The following CLMN variants were observed in gnomAD, a reference collection of about 807,000 sequenced individuals.
The protein encoded by CLMN is calmin (calponin-like, transmembrane).
In CLMN, 57 loss-of-function variants were observed where a neutral mutation model predicts 92.7. The observed-to-expected ratio is 0.61, with a 90% CI of 0.50 to 0.77. The LOEUF is 0.77. Ranked by LOEUF, CLMN falls within the 30% of genes least tolerant of loss-of-function variation. The pLI is 0.00. For synonymous variants in CLMN, 466 were observed against 470.6 expected, an observed-to-expected ratio of 0.99 and a Z score of 0.13; for missense variants, 1,158 against 1,237.5, an observed-to-expected ratio of 0.94 and a Z score of 0.96.
chr14:95,201,577 T>A (rs953250301), intron 9 of CLMN, among the ~76,000 whole-genome samples: 8 of 151,722 alleles, frequency 5.3e-5, no homozygotes, highest in Non-Finnish European at 1.0e-4. Context: ...TTTTTTTTTT[T>A]TTTTATTTTA....
In CLMN at chr14:95,191,816, C is replaced by T. The variant is rs2282266; in HGVS notation, c.2841-84G>A. On this transcript the variant is annotated intron_variant, in intron 12 of 12. Coordinates refer to ENST00000298912, the MANE Select transcript of CLMN (RefSeq NM_024734.4). The surrounding 1 kb of genome is among the most constrained non-coding windows in gnomAD (Gnocchi z 5.3). ...CCACCCAGTGCTACCCGTCTCTCCC[C>T]GGCCCCCACTCCCCGCCTGAAGACC... The T allele has an allele frequency of 0.062, 84,004 of 1,362,502 alleles. 4,598 individuals carry two copies. Among genetic ancestry groups the T allele is most frequent in the East Asian group, 0.29 (12,337 of 42,438 alleles). 84.4% of individuals were successfully genotyped at this position (1,362,502 alleles called of 1,614,324 possible). A position where few individuals can be genotyped will look rare whatever the true frequency, so the allele number is the denominator to read the frequency against.
In CLMN at chr14:95,259,353, C is replaced by A. The variant is rs1308265355; in HGVS notation, c.83-29220G>T. ...AGGCTGGACCCTGGCCGTCCACTGG[C>A]TCCCCACTCACCAGGCCTGACCTTG... On this transcript the variant is annotated intron_variant, in intron 1 of 12. Transcript: ENST00000298912. The surrounding 1 kb of genome is among the most constrained non-coding windows in gnomAD (Gnocchi z 4.3). 1.3e-5 allele frequency among the ~76,000 whole-genome samples: 2 copies of A among 152,074 alleles called. No individual in the cohort carries two copies. Among genetic ancestry groups the A allele is most frequent in the African/African-American group, 2.4e-5 (1 of 41,376 alleles).
At position 95,194,699 on chromosome 14, in the gene CLMN, A is replaced by G; in HGVS notation, c.2709-103T>C. On this transcript the variant is annotated intron_variant, in intron 10 of 12. Coordinates refer to ENST00000298912, the MANE Select transcript of CLMN (RefSeq NM_024734.4). The surrounding 1 kb of genome is among the most constrained non-coding windows in gnomAD (Gnocchi z 4.0). ...GGGGTTTCCACGTATGGGTTTAGGCAAGCGACAACTTCACAGCCAGGGACA... is the reference window on the plus strand; with the variant it reads ...GGGGTTTCCACGTATGGGTTTAGGCGAGCGACAACTTCACAGCCAGGGACA... The G allele has an allele frequency of 1.0e-6, 1 of 998,748 alleles. No individual in the cohort carries two copies. The highest frequency in any genetic ancestry group is 1.6e-6 in the Non-Finnish European group (1 of 631,298). The allele number at this position is 998,748 out of a possible 1,614,324, so 61.9% of individuals were successfully genotyped here.
intron 1 of CLMN, among the ~76,000 whole-genome samples, chr14:95,262,908 T>C (rs1899315559): frequency 6.6e-6 from 1 of 152,122 alleles, no homozygotes; most frequent in Non-Finnish European, 1.5e-5. Flanking sequence ...GAGAGTCAAG[T>C]CATGTGTCCA....
At chr14:95,279,924 T>G (rs889590786) in intron 1 of CLMN, among the ~76,000 whole-genome samples, 4 of 152,020 alleles carry the variant, frequency 2.6e-5, no homozygotes, top group African/African-American at 9.7e-5. Context: ...ATAAGAAATG[T>G]AGAATGTATT....
At chr14:95,200,384 G>A (rs1440839859) in intron 9 of CLMN, among the ~76,000 whole-genome samples, 1 of 152,172 alleles carries the variant, frequency 6.6e-6, no homozygotes, top group Non-Finnish European at 1.5e-5. Context: ...TCCTGGCAGT[G>A]CCAGATGCAT....
chr14:95,290,508 G>C (rs1308709827), intron 1 of CLMN, among the ~76,000 whole-genome samples: 1 of 152,222 alleles, frequency 6.6e-6, no homozygotes, highest in Non-Finnish European at 1.5e-5. Context: ...GAGTCAGAGA[G>C]AGTTGAGACG....
intron 1 of CLMN, among the ~76,000 whole-genome samples, chr14:95,316,815 G>A (rs1358433318): frequency 6.6e-5 from 10 of 152,156 alleles, no homozygotes; most frequent in African/African-American, 2.4e-4. Flanking sequence ...CCCCATCCCA[G>A]GGCCCCAAGA....
intron 10 of CLMN, among the ~76,000 whole-genome samples, chr14:95,195,642 C>T (rs113071582): frequency 6.6e-6 from 1 of 152,382 alleles, no homozygotes; most frequent in Non-Finnish European, 1.5e-5. Flanking sequence ...GAGTCCAAGA[C>T]TCCCTAAGCT....
At chr14:95,310,313 T>C (rs941570) in intron 1 of CLMN, among the ~76,000 whole-genome samples, 85,109 of 152,094 alleles carry the variant, frequency 0.56, 24,381 homozygotes, top group East Asian at 0.93. Context: ...CGGCTCCTGG[T>C]CCCATCCTGC....
intron 1 of CLMN, among the ~76,000 whole-genome samples, chr14:95,269,897 G>GA (rs1216386199): frequency 6.6e-6 from 1 of 151,888 alleles, no homozygotes; most frequent in African/African-American, 2.4e-5. Context: ...CCACAGGCTG[G>GA]AGGTTGGTGC....
chr14:95,225,977 G>C (rs1433097868), intron 2 of CLMN, among the ~76,000 whole-genome samples: 1 of 152,176 alleles, frequency 6.6e-6, no homozygotes, highest in Admixed American at 6.5e-5. Context: ...GTGAGGATTT[G>C]CAAACTCTGT....
At chr14:95,298,201 C>CTCCCT (rs1232272149) in intron 1 of CLMN, among the ~76,000 whole-genome samples, 1 of 152,114 alleles carries the variant, frequency 6.6e-6, no homozygotes, top group Non-Finnish European at 1.5e-5. Flanking sequence ...CTGCAGTCCT[C>CTCCCT]TCCCTTCCCT....
At position 95,191,933 on chromosome 14, in the gene CLMN, C is replaced by CTT; in HGVS notation, c.2841-203_2841-202dup. On this transcript the variant is annotated intron_variant, in intron 12 of 12. Coordinates refer to ENST00000298912, the MANE Select transcript of CLMN (RefSeq NM_024734.4). This position sits in a 1 kb window ranked among gnomAD's most constrained non-coding sequence, Gnocchi z 5.3. ...CGGGCCATCCAGGCAGCCCCTCGAG[C>CTT]TTTTGCACGTACTCCGTTCATCTCC... 4.1e-6 allele frequency: 2 copies of CTT among 489,052 alleles called. No individual in the cohort carries two copies. The highest frequency in any genetic ancestry group is 3.6e-6 in the Non-Finnish European group (1 of 276,728). 30.3% of individuals were successfully genotyped at this position (489,052 alleles called of 1,614,324 possible). A position where few individuals can be genotyped will look rare whatever the true frequency, so the allele number is the denominator to read the frequency against.
intron 1 of CLMN, among the ~76,000 whole-genome samples, chr14:95,273,907 GACAC>G (rs2140726567): frequency 6.6e-6 from 1 of 152,090 alleles, no homozygotes; most frequent in East Asian, 1.9e-4. Context: ...TCAGACCTAC[GACAC>G]GCTCCTCCCA....
chr14:95,274,171 C>A (rs981466596), intron 1 of CLMN, among the ~76,000 whole-genome samples: 1 of 152,160 alleles, frequency 6.6e-6, no homozygotes, highest in African/African-American at 2.4e-5. Context: ...CTGTTACTTT[C>A]TTTGCTCCCG....
chr14:95,255,771 C>T (rs571030482), intron 1 of CLMN, among the ~76,000 whole-genome samples: 1 of 152,276 alleles, frequency 6.6e-6, no homozygotes, highest in South Asian at 2.1e-4. Flanking sequence ...AGCACTGACG[C>T]ATTTCTTAAC....
intron 3 of CLMN, 61 bp downstream of exon 3, chr14:95,223,699 A>C: frequency 7.5e-7 from 1 of 1,329,464 alleles, no homozygotes. Flanking sequence ...TTGAAAAGAA[A>C]ACCTCAGCAG....
chr14:95,239,429 A>G (rs930252945), intron 1 of CLMN, among the ~76,000 whole-genome samples: 4 of 152,222 alleles, frequency 2.6e-5, no homozygotes, highest in African/African-American at 4.8e-5. Context: ...TTTACATTCT[A>G]TAAGGATTCA....
Sources: allele counts gnomAD v4.1 joint callset (sites outside exome capture counted in the v4.1 genomes callset), GRCh38; gene constraint gnomAD v4.1.1; non-coding constraint Gnocchi (gnomAD v3.1); transcripts MANE v1.5; gene names NCBI Gene and HGNC (gene_info 2026-07-23, HGNC 2026-07-21).